Variants in PPP1R21 observed in about 807,000 individuals in gnomAD.
PPP1R21 encodes the protein KLRAQ motif containing 1.
A neutral mutation model predicts 112.8 loss-of-function variants in PPP1R21; 85 were observed. The ratio of observed to expected loss-of-function variants is 0.75; its 90% CI spans 0.63 to 0.90. PPP1R21 has a LOEUF of 0.90. Ranked by LOEUF, PPP1R21 falls within the 40% of genes least tolerant of loss-of-function variation. The probability of loss-of-function intolerance (pLI) is 0.00; values close to 1 mark genes in which losing one functional copy is unlikely to be tolerated. For synonymous variants in PPP1R21, 381 were observed against 322.3 expected (o/e 1.18, Z -1.95); for missense variants, 1,199 against 901.5 (o/e 1.33, Z -4.23).
chr2:48,465,437 T>C, intron 8 of PPP1R21, 56 bp from the exon 9 acceptor site: 1 of 1,499,892 alleles, frequency 6.7e-7, no homozygotes, highest in Non-Finnish European at 9.1e-7. Flanking sequence ...TCAATAAAGT[T>C]CTTTTAGGAT....
chr2:48,467,663 G>T (rs1668265140), intron 9 of PPP1R21, among the ~76,000 whole-genome samples: 1 of 152,210 alleles, frequency 6.6e-6, no homozygotes, highest in South Asian at 2.1e-4. Flanking sequence ...AGCGATCTAA[G>T]AGCAAGGTGG....
chr2:48,492,758 G>C (rs1181801167), intron 15 of PPP1R21, among the ~76,000 whole-genome samples: 1 of 152,246 alleles, frequency 6.6e-6, no homozygotes, highest in South Asian at 2.1e-4. Flanking sequence ...GTGAATTGCT[G>C]GTTCAAAGTC....
At chr2:48,507,510 G>A in intron 19 of PPP1R21, 125 bp downstream of exon 19, 2 of 1,418,336 alleles carry the variant, frequency 1.4e-6, no homozygotes, top group Non-Finnish European at 1.9e-6. Context: ...TGGGACTATG[G>A]GTGTGTACCA....
chr2:48,505,803 A>G (rs1199542712), intron 18 of PPP1R21, among the ~76,000 whole-genome samples: 2 of 152,322 alleles, frequency 1.3e-5, no homozygotes, highest in African/African-American at 4.8e-5. Flanking sequence ...CCAACAAATT[A>G]TAGCCTGTTT....
In PPP1R21 at chr2:48,511,468, G is replaced by T; in HGVS notation, c.2313G>T (p.Lys771Asn). ...TTGACACACTAAAGATGTCCAGTAAGGTATGTGAGGTGAGGTGAGGTAGTC... is the reference window on the plus strand; with the variant it reads ...TTGACACACTAAAGATGTCCAGTAATGTATGTGAGGTGAGGTGAGGTAGTC... ...EEIDTLKMSS[K>N]GNSKKNKSR Residue 771 changes from lysine to asparagine, a missense_variant and splice_region_variant, in exon 21 of 22, where the codon AAG becomes AAT. By Grantham distance (94) the Lys-to-Asn change is moderately conservative. Coordinates refer to ENST00000294952, the MANE Select transcript of PPP1R21 (RefSeq NM_001135629.3). 1 of 1,611,628 alleles carries T rather than the reference G, an allele frequency of 6.2e-7. No homozygotes were observed. Among genetic ancestry groups the T allele is most frequent in the Non-Finnish European group, 8.5e-7 (1 of 1,179,374 alleles).
At chr2:48,476,722 A>C (rs779921547) in intron 12 of PPP1R21, among the ~76,000 whole-genome samples, 44 of 152,064 alleles carry the variant, frequency 2.9e-4, no homozygotes, top group Non-Finnish European at 5.6e-4. Flanking sequence ...CTTTTAATGT[A>C]CTTATTGGCC....
chr2:48,459,966 A>G lies in PPP1R21; in HGVS notation c.540+48A>G, dbSNP rs368761559. ...ACTAAAAAATAGTTACAGCTTTTGT[A>G]TTAATAAATTGTCTATCCACTTAGA... On this transcript the variant is annotated intron_variant, in intron 5 of 21. Transcript: ENST00000294952. 125 of 1,596,148 alleles carry G rather than the reference A, an allele frequency of 7.8e-5. 2 individuals carry two copies. In the African/African-American group the frequency reaches 1.4e-3, roughly 17 times the overall value.
chr2:48,463,411 G>A (rs1668065066), intron 7 of PPP1R21, among the ~76,000 whole-genome samples: 1 of 152,210 alleles, frequency 6.6e-6, no homozygotes, highest in Non-Finnish European at 1.5e-5. Context: ...GTGGCCTCGA[G>A]AGGACTAGTA....
chr2:48,478,546 T>C (rs1297103862), intron 12 of PPP1R21, among the ~76,000 whole-genome samples: 1 of 152,184 alleles, frequency 6.6e-6, no homozygotes, highest in Non-Finnish European at 1.5e-5. Flanking sequence ...GATTGATTGC[T>C]CTCATTTTCA....
At chr2:48,466,091 A>G (rs1024161780) in intron 9 of PPP1R21, among the ~76,000 whole-genome samples, 4 of 152,208 alleles carry the variant, frequency 2.6e-5, no homozygotes, top group Non-Finnish European at 4.4e-5. Context: ...CAGCACGGGA[A>G]AGACCCACCC....
intron 12 of PPP1R21, among the ~76,000 whole-genome samples, chr2:48,478,034 A>T (rs769009003): frequency 6.6e-6 from 1 of 152,226 alleles, no homozygotes; most frequent in Non-Finnish European, 1.5e-5. Flanking sequence ...AGACAGAGAT[A>T]CAAGGGGGAA....
At chr2:48,443,695 C>G (rs1482063511) in intron 1 of PPP1R21, among the ~76,000 whole-genome samples, 4 of 152,182 alleles carry the variant, frequency 2.6e-5, no homozygotes, top group South Asian at 2.1e-4. Context: ...CAAAAGATTT[C>G]TTGTGCTTTT....
chr2:48,490,925 A>G lies in PPP1R21; in HGVS notation c.1447-93A>G, dbSNP rs559813753. On this transcript the variant is annotated intron_variant, in intron 14 of 21. Coordinates refer to ENST00000294952, the MANE Select transcript of PPP1R21 (RefSeq NM_001135629.3). ...AATTTCATTTCCATTTCCATTCTCAACATCTTTAAACTTTGCTGCAAAAAC... is the reference window on the plus strand; with the variant it reads ...AATTTCATTTCCATTTCCATTCTCAGCATCTTTAAACTTTGCTGCAAAAAC... 120 of 1,092,422 alleles carry G rather than the reference A, an allele frequency of 1.1e-4. No individual in the cohort carries two copies. The African/African-American group carries it at 1.6e-3, about 15-fold the overall frequency. 67.7% of individuals were successfully genotyped at this position (1,092,422 alleles called of 1,614,324 possible). A position where few individuals can be genotyped will look rare whatever the true frequency, so the allele number is the denominator to read the frequency against.
intron 1 of PPP1R21, among the ~76,000 whole-genome samples, chr2:48,446,961 G>T (rs1256409545): frequency 1.3e-5 from 2 of 152,104 alleles, no homozygotes; most frequent in African/African-American, 4.8e-5. Context: ...ATGTTGGCTA[G>T]GCTGGTTTTG....
intron 5 of PPP1R21, 42 bp from the exon 6 acceptor site, chr2:48,460,053 G>A (rs765515369): frequency 1.7e-5 from 27 of 1,611,070 alleles, no homozygotes; most frequent in African/African-American, 1.6e-4. Flanking sequence ...CCTATCTGTC[G>A]TAGCCTGAGC....
chr2:48,449,467 T>A (rs1279457280), intron 1 of PPP1R21, among the ~76,000 whole-genome samples: 1 of 152,232 alleles, frequency 6.6e-6, no homozygotes, highest in Non-Finnish European at 1.5e-5. Flanking sequence ...GGGTCTGCTT[T>A]CTCTTGTGGT....
chr2:48,471,002 T>G (rs1023126214), intron 9 of PPP1R21, 85 bp from the exon 10 acceptor site: 1 of 931,786 alleles, frequency 1.1e-6, no homozygotes, highest in African/African-American at 1.6e-5. Context: ...AATTTAGGTT[T>G]ATAATTTGGT....
In PPP1R21 at chr2:48,459,825, A is replaced by G. The variant is rs777231699; in HGVS notation, c.447A>G (p.Thr149=). 6.2e-7 allele frequency: 1 copy of G among 1,614,078 alleles called. No homozygotes were observed. Among genetic ancestry groups the G allele is most frequent in the African/African-American group, 1.3e-5 (1 of 74,938 alleles). ...ELRSRLATLE[T]EAAQHQAVVD... is the part of the protein sequence containing the mutation. The stretch of plus-strand genomic sequence containing the variant: ...GGAGTCGACTGGCCACTCTGGAGAC[A>G]GAAGCAGCCCAGCACCAAGCTGTGG... Residue 149 remains threonine, a synonymous_variant, in exon 5 of 22, where the codon ACA becomes ACG. Coordinates refer to ENST00000294952, the MANE Select transcript of PPP1R21 (RefSeq NM_001135629.3).
At position 48,440,983 on chromosome 2, in the gene PPP1R21, C is replaced by G. The variant is rs772674418; in HGVS notation, c.30C>G (p.Tyr10Ter). ...CCTCGGCTGAGTTGCAGGGGAAGTACCAGAAGCTGGCTCAGGAGTACTCGA... is the reference window on the plus strand; with the variant it reads ...CCTCGGCTGAGTTGCAGGGGAAGTAGCAGAAGCTGGCTCAGGAGTACTCGA... MASAELQGK[Y>*]QKLAQEYSKL... Residue 10 changes from tyrosine (Y) to a stop codon, truncating the protein, a stop_gained, in exon 1 of 22, where the codon TAC becomes TAG. Coordinates refer to ENST00000294952, the MANE Select transcript of PPP1R21 (RefSeq NM_001135629.3). LOFTEE classifies it high-confidence loss of function. The G allele has an allele frequency of 4.3e-6, 7 of 1,611,630 alleles. No homozygotes were observed. The highest frequency in any genetic ancestry group is 3.4e-6 in the Non-Finnish European group (4 of 1,178,324).
Sources: gnomAD v4.1 joint callset for allele counts (sites outside exome capture counted in the v4.1 genomes callset) on GRCh38, gnomAD v4.1.1 for gene constraint, MANE v1.5 for transcripts, NCBI Gene and HGNC (gene_info 2026-07-23, HGNC 2026-07-21) for gene names.